The following FAM110C variants were observed in gnomAD, a reference collection of about 807,000 sequenced individuals.
FAM110C encodes the protein family with sequence similarity 110 member C, also known as protein FAM110C.
A neutral mutation model predicts 15.7 loss-of-function variants in FAM110C; 19 were observed. That is an observed-to-expected ratio of 1.21 (90% CI 0.85 to 1.78). FAM110C has a LOEUF of 1.78. Among genes scored for constraint, FAM110C ranks in the 40% most tolerant of loss-of-function variants. The pLI, the probability that FAM110C is intolerant of heterozygous loss-of-function variation, is 0.00. For synonymous variants in FAM110C, 275 were observed against 233.9 expected, an observed-to-expected ratio of 1.18 and a Z score of -1.61; for missense variants, 547 against 495.7, an observed-to-expected ratio of 1.10 and a Z score of -0.98.
At position 45,579 on chromosome 2, in the gene FAM110C, CTCG is replaced by C. The variant is rs564693166; in HGVS notation, c.804_806del (p.Asp268del). ...CTATCAGCTCCTCCTCCTGCAGCCC[CTCG>C]TCGTCGCCGCCGCTGTGCCGGGAGA... On this transcript the variant is annotated inframe_deletion, in exon 1 of 2. Coordinates refer to ENST00000327669, the MANE Select transcript of FAM110C (RefSeq NM_001077710.3). 52 of 1,613,058 alleles carry C rather than the reference CTCG, an allele frequency of 3.2e-5. No individual in the cohort carries two copies. In the African/African-American group the frequency reaches 6.3e-4, roughly 19 times the overall value.
chr2:44,828 A>G, intron 1 of FAM110C: 1 of 985,456 alleles, frequency 1.0e-6, no homozygotes, highest in Non-Finnish European at 1.2e-6. Flanking sequence ...CAATTTAAAT[A>G]AAATTTAGCC....
At position 46,170 on chromosome 2, in the gene FAM110C, C is replaced by A. The variant is rs975453484; in HGVS notation, c.216G>T (p.Gly72=). 2.1e-6 allele frequency: 3 copies of A among 1,399,148 alleles called. No individual in the cohort carries two copies. Among genetic ancestry groups the A allele is most frequent in the African/African-American group, 3.0e-5 (2 of 66,364 alleles). The allele number at this position is 1,399,148 out of a possible 1,614,324, so 86.7% of individuals were successfully genotyped here. A position where few individuals can be genotyped will look rare whatever the true frequency, so the allele number is the denominator to read the frequency against. The change falls in exon 1 of 2, where the codon GGG becomes GGT. Residue 72 remains glycine (G), a synonymous_variant. Transcript: ENST00000327669. ...CGCGGGCCGGGGGCCCAGGGTCGTT[C>A]CCCGGGCACTTGATCGCCCCCGGGC... The part of the protein sequence containing the change: ...GSGPGAIKCP[G]NDPGPPARAP...
rs781699496 is a variant in FAM110C, at chr2:40,282, C to T, written c.*1326G>A. 4 of 151,804 alleles carry T rather than the reference C, an allele frequency of 2.6e-5. No individual in the cohort carries two copies. The highest frequency in any genetic ancestry group is 2.1e-4 in the South Asian group (1 of 4,818). 9.4% of individuals were successfully genotyped at this position (151,804 alleles called of 1,614,324 possible). A position where few individuals can be genotyped will look rare whatever the true frequency, so the allele number is the denominator to read the frequency against. On this transcript the variant is annotated 3_prime_UTR_variant, in exon 2 of 2. Transcript: ENST00000327669. ...ACCTACTCTCACGGTAAAATAGTTACGAAAAAAGAATACAATATTAACCAA... is the reference window on the plus strand; with the variant it reads ...ACCTACTCTCACGGTAAAATAGTTATGAAAAAAGAATACAATATTAACCAA...
intron 1 of FAM110C, 36 bp downstream of exon 1, chr2:45,404 A>G: frequency 6.4e-7 from 1 of 1,571,966 alleles, no homozygotes; most frequent in Non-Finnish European, 8.6e-7. Flanking sequence ...AGCCCCGCAC[A>G]CGGCCAGCCC....
In FAM110C at chr2:45,830, C is replaced by G; in HGVS notation, c.556G>C (p.Gly186Arg). Residue 186 changes from glycine to arginine, a missense_variant, in exon 1 of 2, where the codon GGG becomes CGG. Physicochemically the swap from Gly to Arg is moderately radical, Grantham distance 125. Coordinates refer to ENST00000327669, the MANE Select transcript of FAM110C (RefSeq NM_001077710.3). The part of the protein sequence containing the change: ...APSSVPAAPP[G>R]PEPRVVRRRG... ...CGCCTCACCACCCGCGGCTCTGGCC[C>G]AGGGGGCGCGGCCGGGACACTGGAG... The G allele has an allele frequency of 6.5e-7, 1 of 1,541,396 alleles. No individual in the cohort carries two copies. The highest frequency in any genetic ancestry group is 8.7e-7 in the Non-Finnish European group (1 of 1,147,920).
chr2:45,530 C>T lies in FAM110C; in HGVS notation c.856G>A (p.Val286Ile). The T allele has an allele frequency of 6.2e-7, 1 of 1,614,146 alleles. No individual in the cohort carries two copies. Among genetic ancestry groups the T allele is most frequent in the Non-Finnish European group, 8.5e-7 (1 of 1,180,034 alleles). The change falls in exon 1 of 2, where the codon GTC becomes ATC. Residue 286 changes from valine (V) to isoleucine (I), a missense_variant. Coordinates refer to ENST00000327669, the MANE Select transcript of FAM110C (RefSeq NM_001077710.3). ...LIEQVPSTTS[V>I]IERNARIIKW... The stretch of plus-strand genomic sequence containing the variant: ...ATGATGCGGGCGTTCCTCTCGATGA[C>T]CGAAGTGGTGCTGGGCACCTGCTCT...
At chr2:45,129 C>T in intron 1 of FAM110C, 1 of 985,434 alleles carries the variant, frequency 1.0e-6, no homozygotes, top group Non-Finnish European at 1.2e-6. Context: ...TTTTGGATTT[C>T]TCCTGTTTTC....
At position 41,343 on chromosome 2, in the gene FAM110C, G is replaced by A. The variant is rs1236127916; in HGVS notation, c.*265C>T. On this transcript the variant is annotated 3_prime_UTR_variant, in exon 2 of 2. Transcript: ENST00000327669. ...CAAAAAGATTTCCAAACAGCTTTAC[G>A]GTTTCCAGCTGCCCTCTGGAAGCAA... 4 of 397,068 alleles carry A rather than the reference G, an allele frequency of 1.0e-5. No homozygotes were observed. Among genetic ancestry groups the A allele is most frequent in the Admixed American group, 4.5e-5 (1 of 22,452 alleles). The allele number at this position is 397,068 out of a possible 1,614,324, so 24.6% of individuals were successfully genotyped here. A position where few individuals can be genotyped will look rare whatever the true frequency, so the allele number is the denominator to read the frequency against.
At chr2:43,958 G>A (rs534143678) in intron 1 of FAM110C, 2 of 985,334 alleles carry the variant, frequency 2.0e-6, no homozygotes, top group Non-Finnish European at 1.2e-6. Context: ...AAGGACGCCT[G>A]GTCTATAGTG....
intron 1 of FAM110C, chr2:44,503 A>C: frequency 1.0e-6 from 1 of 985,406 alleles, no homozygotes; most frequent in South Asian, 4.7e-5. Context: ...ATTTACTTAT[A>C]GCAAGTTGTC....
Position 40,922 on chromosome 2 carries a change from T to C in FAM110C, c.*686A>G, listed in dbSNP as rs1664105852. 6.6e-6 allele frequency: 1 copy of C among 152,264 alleles called. No homozygotes were observed. Among genetic ancestry groups the C allele is most frequent in the Admixed American group, 6.5e-5 (1 of 15,286 alleles). The allele number at this position is 152,264 out of a possible 1,614,324, so 9.4% of individuals were successfully genotyped here. On this transcript the variant is annotated 3_prime_UTR_variant, in exon 2 of 2. Coordinates refer to ENST00000327669, the MANE Select transcript of FAM110C (RefSeq NM_001077710.3). The stretch of plus-strand genomic sequence containing the variant: ...ATTTAAACTCTAACTTATCTTTTAA[T>C]GGGTACTTCCACATGCCTACAACCC...
At chr2:44,499 T>G in intron 1 of FAM110C, 1 of 985,390 alleles carries the variant, frequency 1.0e-6, no homozygotes, top group Non-Finnish European at 1.2e-6. Context: ...TAAAATTTAC[T>G]TATAGCAAGT....
chr2:38,882 A>C lies in FAM110C; in HGVS notation c.*2726T>G, dbSNP rs995974025. 1 of 152,236 alleles carries C rather than the reference A, an allele frequency of 6.6e-6. No individual in the cohort carries two copies. The highest frequency in any genetic ancestry group is 2.4e-5 in the African/African-American group (1 of 41,458). The allele number at this position is 152,236 out of a possible 1,614,324, so 9.4% of individuals were successfully genotyped here. On this transcript the variant is annotated 3_prime_UTR_variant, in exon 2 of 2. Coordinates refer to ENST00000327669, the MANE Select transcript of FAM110C (RefSeq NM_001077710.3). ...ACAATATTGCACTCCAGTTGCAAATAGTGTATAGAAAAAGCTCTGTTTAGA... is the reference window on the plus strand; with the variant it reads ...ACAATATTGCACTCCAGTTGCAAATCGTGTATAGAAAAAGCTCTGTTTAGA...
In FAM110C at chr2:46,038, G is replaced by A. The variant is rs762763448; in HGVS notation, c.348C>T (p.Asp116=). 5 of 1,513,458 alleles carry A rather than the reference G, an allele frequency of 3.3e-6. No individual in the cohort carries two copies. Among genetic ancestry groups the A allele is most frequent in the Admixed American group, 4.3e-5 (2 of 46,184 alleles). 93.8% of individuals were successfully genotyped at this position (1,513,458 alleles called of 1,614,324 possible). A position where few individuals can be genotyped will look rare whatever the true frequency, so the allele number is the denominator to read the frequency against. The stretch of plus-strand genomic sequence containing the variant: ...TCTTCACCAGGCTTGCCCTGGGGCC[G>A]TCGGCGCCCGATCCTCGCACGAATT... ...KCEFVRGSGA[D]GPRASLVKKL... The change falls in exon 1 of 2, where the codon GAC becomes GAT. Residue 116 remains aspartate, a synonymous_variant. Transcript: ENST00000327669.
chr2:39,242 G>C lies in FAM110C; in HGVS notation c.*2366C>G, dbSNP rs959440220. Reference sequence around the variant, plus strand: ...ATTGCGGTAATTCAGGTTTAGGCAAGAAGTTCTTTAGTTTTACTTTTTATA... The same window carrying C: ...ATTGCGGTAATTCAGGTTTAGGCAACAAGTTCTTTAGTTTTACTTTTTATA... On this transcript the variant is annotated 3_prime_UTR_variant, in exon 2 of 2. Transcript: ENST00000327669. 4 of 152,192 alleles carry C rather than the reference G, an allele frequency of 2.6e-5. No homozygotes were observed. Among genetic ancestry groups the C allele is most frequent in the African/African-American group, 9.7e-5 (4 of 41,442 alleles). 9.4% of individuals were successfully genotyped at this position (152,192 alleles called of 1,614,324 possible).
At position 40,915 on chromosome 2, in the gene FAM110C, C is replaced by T. The variant is rs1477260775; in HGVS notation, c.*693G>A. The T allele has an allele frequency of 1.3e-5, 2 of 152,222 alleles. No homozygotes were observed. Among genetic ancestry groups the T allele is most frequent in the Non-Finnish European group, 2.9e-5 (2 of 68,034 alleles). The allele number at this position is 152,222 out of a possible 1,614,324, so 9.4% of individuals were successfully genotyped here. ...TATCAGTATTTAAACTCTAACTTAT[C>T]TTTTAATGGGTACTTCCACATGCCT... On this transcript the variant is annotated 3_prime_UTR_variant, in exon 2 of 2. Coordinates refer to ENST00000327669, the MANE Select transcript of FAM110C (RefSeq NM_001077710.3).
In FAM110C at chr2:45,575, G is replaced by A. The variant is rs765814843; in HGVS notation, c.811C>T (p.Leu271=). 3 of 1,613,162 alleles carry A rather than the reference G, an allele frequency of 1.9e-6. No homozygotes were observed. The highest frequency in any genetic ancestry group is 2.5e-6 in the Non-Finnish European group (3 of 1,179,984). Residue 271 remains leucine (L), a synonymous_variant, in exon 1 of 2, where the codon CTG becomes TTG. Coordinates refer to ENST00000327669, the MANE Select transcript of FAM110C (RefSeq NM_001077710.3). ...SRHSGGDDEG[L]QEEELIEQVP... Reference sequence around the variant, plus strand: ...TGCTCTATCAGCTCCTCCTCCTGCAGCCCCTCGTCGTCGCCGCCGCTGTGC... The same window carrying A: ...TGCTCTATCAGCTCCTCCTCCTGCAACCCCTCGTCGTCGCCGCCGCTGTGC...
intron 1 of FAM110C, chr2:44,995 G>T: frequency 1.0e-6 from 1 of 985,310 alleles, no homozygotes; most frequent in Non-Finnish European, 1.2e-6. Context: ...AGGTGGACTG[G>T]TCAGCTCCAA....
chr2:41,994 T>A, intron 1 of FAM110C: 1 of 985,412 alleles, frequency 1.0e-6, no homozygotes, highest in Non-Finnish European at 1.2e-6. Context: ...TGCAGGCAGT[T>A]GAACTAAATA....
Sources: allele counts gnomAD v4.1 joint callset, GRCh38; gene constraint gnomAD v4.1.1; transcripts MANE v1.5; gene names NCBI Gene and HGNC (gene_info 2026-07-23, HGNC 2026-07-21).